WWOX: variants seen among roughly 807,000 people sequenced by gnomAD.
WWOX encodes the protein WW domain containing oxidoreductase, also known as WW domain-containing oxidoreductase.
Under a neutral mutation model 46.2 loss-of-function variants are expected in WWOX, and 69 were observed. That is an observed-to-expected ratio of 1.49 (90% confidence interval 1.23 to 1.82). WWOX has a LOEUF of 1.82. Ranked by LOEUF, WWOX falls within the 40% of genes most tolerant of loss-of-function variation. WWOX has a pLI of 0.00. For missense variants in WWOX, 919 were observed against 542.6 expected, an observed-to-expected ratio of 1.69 and a Z score of -6.89; for synonymous variants, 359 against 202.6, an observed-to-expected ratio of 1.77 and a Z score of -6.56.
intron 8 of WWOX, among the ~76,000 whole-genome samples, chr16:78,867,191 C>G (rs1247494295): frequency 1.3e-5 from 2 of 152,154 alleles, no homozygotes; most frequent in African/African-American, 4.8e-5. Flanking sequence ...TGCAACTCAT[C>G]TTCATGGCAC....
chr16:78,605,282 C>T (rs955996668), intron 8 of WWOX, among the ~76,000 whole-genome samples: 1 of 151,746 alleles, frequency 6.6e-6, no homozygotes, highest in Non-Finnish European at 1.5e-5. Context: ...GCTTCCTCTT[C>T]CTCTGTCTCC....
chr16:78,818,075 C>T (rs1423836018), intron 8 of WWOX, among the ~76,000 whole-genome samples: 2 of 152,204 alleles, frequency 1.3e-5, no homozygotes, highest in African/African-American at 2.4e-5. Flanking sequence ...AAGGGCCCAT[C>T]AGAGCTAATC....
chr16:78,728,018 T>C (rs946668217), intron 8 of WWOX, among the ~76,000 whole-genome samples: 16 of 150,682 alleles, frequency 1.1e-4, no homozygotes, highest in African/African-American at 3.7e-4. Context: ...CAAGTGAACA[T>C]AGATAACTCC....
At chr16:78,527,991 C>CTTT (rs71140808) in intron 8 of WWOX, among the ~76,000 whole-genome samples, 552 of 34,834 alleles carry the variant, frequency 0.016, 110 homozygotes, top group African/African-American at 0.04. Flanking sequence ...GGTACATGTC[C>CTTT]TTTTTTTTTT....
chr16:78,285,447 TA>T (rs112659729), intron 5 of WWOX, among the ~76,000 whole-genome samples: 8 of 149,436 alleles, frequency 5.4e-5, no homozygotes, highest in Admixed American at 2.7e-4. Context: ...AAATAAAAAC[TA>T]AAAAAAAAAT....
chr16:78,772,666 A>G (rs1368003145), intron 8 of WWOX, among the ~76,000 whole-genome samples: 1 of 152,206 alleles, frequency 6.6e-6, no homozygotes, highest in African/African-American at 2.4e-5. Flanking sequence ...GCTTCAAGCC[A>G]CTGGGGCATA....
At chr16:78,558,529 G>T (rs1397595626) in intron 8 of WWOX, among the ~76,000 whole-genome samples, 1 of 152,218 alleles carries the variant, frequency 6.6e-6, no homozygotes, top group Non-Finnish European at 1.5e-5. Flanking sequence ...CATGTGCCCT[G>T]TGGTTTGCCA....
chr16:78,705,106 C>T (rs1191704518), intron 8 of WWOX, among the ~76,000 whole-genome samples: 3 of 151,980 alleles, frequency 2.0e-5, no homozygotes, highest in East Asian at 1.9e-4. Context: ...TTTTTAGTGC[C>T]GCAGTGTTTT....
At chr16:79,104,083 C>T (rs963684088) in intron 8 of WWOX, among the ~76,000 whole-genome samples, 2 of 147,514 alleles carry the variant, frequency 1.4e-5, no homozygotes, top group African/African-American at 2.5e-5. Context: ...AGGACCTTGC[C>T]TAAGATAATC....
At chr16:79,070,460 A>G (rs927331501) in intron 8 of WWOX, among the ~76,000 whole-genome samples, 6 of 152,086 alleles carry the variant, frequency 3.9e-5, no homozygotes, top group African/African-American at 1.4e-4. Context: ...GATTGCTAGG[A>G]TTTTTACTCA....
intron 8 of WWOX, among the ~76,000 whole-genome samples, chr16:78,971,617 T>G (rs1272122890): frequency 6.6e-6 from 1 of 152,072 alleles, no homozygotes; most frequent in Non-Finnish European, 1.5e-5. Context: ...GGAAGGGTAC[T>G]GGGTGGACCA....
At chr16:79,083,222 A>G (rs984475172) in intron 8 of WWOX, among the ~76,000 whole-genome samples, 5 of 152,142 alleles carry the variant, frequency 3.3e-5, no homozygotes, top group South Asian at 2.1e-4. Flanking sequence ...TCCTTTGACA[A>G]TAAGCATTGC....
chr16:79,148,433 C>T (rs549114939), intron 8 of WWOX, among the ~76,000 whole-genome samples: 1 of 152,154 alleles, frequency 6.6e-6, no homozygotes, highest in Non-Finnish European at 1.5e-5. Context: ...GTGTCTGTCT[C>T]TCTGACAATT....
chr16:78,914,730 T>G (rs2045202490), intron 8 of WWOX, among the ~76,000 whole-genome samples: 1 of 149,964 alleles, frequency 6.7e-6, no homozygotes, highest in Admixed American at 6.7e-5. Context: ...ATACAAAAAA[T>G]TAACTGGGCA....
Position 79,135,486 on chromosome 16 carries a change from A to G in WWOX, c.1057-76122A>G, listed in dbSNP as rs185669258. 3.3e-5 allele frequency among the ~76,000 whole-genome samples: 5 copies of G among 152,324 alleles called. No homozygotes were observed. In the East Asian group the frequency reaches 7.7e-4, roughly 23 times the overall value. On this transcript the variant is annotated intron_variant, in intron 8 of 8. Coordinates refer to ENST00000566780, the MANE Select transcript of WWOX (RefSeq NM_016373.4). ...TATAAATCTATTCATCTATCCATCT[A>G]TTAAAAGAGATTTAAGTTATTTCTA... is the stretch of plus-strand genomic sequence containing the variant.
chr16:78,326,987 G>T (rs2080638233), intron 5 of WWOX, among the ~76,000 whole-genome samples: 2 of 152,010 alleles, frequency 1.3e-5, no homozygotes. Flanking sequence ...TTCCCCAGAG[G>T]CTCATCATCA....
intron 8 of WWOX, among the ~76,000 whole-genome samples, chr16:78,510,290 C>A (rs1027647869): frequency 3.3e-5 from 5 of 152,162 alleles, no homozygotes; most frequent in African/African-American, 1.2e-4. Flanking sequence ...ACCGCAAGCT[C>A]CGCCTCCTGA....
intron 8 of WWOX, among the ~76,000 whole-genome samples, chr16:78,923,345 C>A (rs954116055): frequency 6.6e-6 from 1 of 152,126 alleles, no homozygotes; most frequent in Non-Finnish European, 1.5e-5. Flanking sequence ...AGAATATCAT[C>A]ATTATCAACA....
chr16:78,766,177 A>G (rs1163859258), intron 8 of WWOX, among the ~76,000 whole-genome samples: 1 of 152,182 alleles, frequency 6.6e-6, no homozygotes, highest in East Asian at 1.9e-4. Flanking sequence ...GGCAGGACAT[A>G]CTGCGTGCCT....
Sources: allele counts gnomAD v4.1 joint callset (sites outside exome capture counted in the v4.1 genomes callset), GRCh38; gene constraint gnomAD v4.1.1; transcripts MANE v1.5; gene names NCBI Gene and HGNC (gene_info 2026-07-23, HGNC 2026-07-21).